The following PRKG1 variants were observed in gnomAD, a reference collection of about 807,000 sequenced individuals.
The protein encoded by PRKG1 is protein kinase cGMP-dependent 1, also known as cGMP-dependent protein kinase 1.
In PRKG1, 35 loss-of-function variants were observed where a neutral mutation model predicts 88.1. The ratio of observed to expected loss-of-function variants is 0.40; its 90% CI spans 0.30 to 0.53. The LOEUF (loss-of-function observed/expected upper bound fraction) is 0.53, where lower values mean the gene tolerates loss of function less well. PRKG1 is among the 20% of genes least tolerant of loss of function. The probability of loss-of-function intolerance (pLI) is 0.59; values close to 1 mark genes in which losing one functional copy is unlikely to be tolerated. For missense variants in PRKG1, 540 were observed against 839.8 expected (o/e 0.64, Z 4.41); for synonymous variants, 303 against 292.5 (o/e 1.04, Z -0.37).
At chr10:51,458,883 C>T (rs1016968249) in intron 2 of PRKG1, among the ~76,000 whole-genome samples, 2 of 152,116 alleles carry the variant, frequency 1.3e-5, no homozygotes, top group African/African-American at 4.8e-5. Context: ...GGAGGAATGA[C>T]TGCAACACTT....
chr10:51,632,369 C>G (rs576965864), intron 3 of PRKG1, among the ~76,000 whole-genome samples: 1 of 152,262 alleles, frequency 6.6e-6, no homozygotes, highest in Admixed American at 6.5e-5. Flanking sequence ...CTCAGAAACT[C>G]TTGGTATTTG....
intron 3 of PRKG1, among the ~76,000 whole-genome samples, chr10:51,615,778 T>C (rs1368771619): frequency 6.6e-6 from 1 of 152,070 alleles, no homozygotes; most frequent in Non-Finnish European, 1.5e-5. Context: ...CAAGCTTCTT[T>C]AAAATAAATA....
chr10:51,750,515 G>C (rs1428900056), intron 3 of PRKG1, among the ~76,000 whole-genome samples: 1 of 152,150 alleles, frequency 6.6e-6, no homozygotes, highest in East Asian at 1.9e-4. Flanking sequence ...GCCAGGCAAT[G>C]AGCTAGCTGC....
chr10:51,951,128 G>C (rs1843174045), intron 5 of PRKG1, among the ~76,000 whole-genome samples: 1 of 152,210 alleles, frequency 6.6e-6, no homozygotes, highest in African/African-American at 2.4e-5. Context: ...CTGGGTCATG[G>C]GTTTCATCCA....
At chr10:51,823,172 T>A (rs1217670604) in intron 4 of PRKG1, among the ~76,000 whole-genome samples, 1 of 152,080 alleles carries the variant, frequency 6.6e-6, no homozygotes, top group Non-Finnish European at 1.5e-5. Flanking sequence ...CTGTTAGGAA[T>A]GTATAAGGGT....
chr10:51,782,274 A>C (rs1211042461), intron 3 of PRKG1, among the ~76,000 whole-genome samples: 1 of 152,126 alleles, frequency 6.6e-6, no homozygotes, highest in Non-Finnish European at 1.5e-5. Flanking sequence ...TTGACTTACA[A>C]TATTTTCAAC....
chr10:52,054,596 G>A, intron 6 of PRKG1, 35 bp downstream of exon 6: 1 of 1,581,324 alleles, frequency 6.3e-7, no homozygotes, highest in South Asian at 1.1e-5. Flanking sequence ...TGATGCACTA[G>A]GGGAGCCTGG....
intron 9 of PRKG1, among the ~76,000 whole-genome samples, chr10:52,204,106 ATTT>A (rs1554817009): frequency 6.1e-4 from 44 of 72,202 alleles, no homozygotes; most frequent in African/African-American, 2.6e-3. Flanking sequence ...TATTATTATT[ATTT>A]TTTGTTTTTG....
intron 8 of PRKG1, among the ~76,000 whole-genome samples, chr10:52,134,953 C>G (rs188604670): frequency 6.6e-6 from 1 of 152,046 alleles, no homozygotes; most frequent in Non-Finnish European, 1.5e-5. Flanking sequence ...ACAATAATTA[C>G]CAATTTGCTC....
intron 4 of PRKG1, among the ~76,000 whole-genome samples, chr10:51,829,077 C>T (rs1483885284): frequency 1.3e-5 from 2 of 152,148 alleles, no homozygotes; most frequent in African/African-American, 4.8e-5. Flanking sequence ...GAAGCCTCAA[C>T]TGGAGAAGGA....
intron 1 of PRKG1, among the ~76,000 whole-genome samples, chr10:51,096,501 G>A (rs1198987971): frequency 6.6e-6 from 1 of 152,068 alleles, no homozygotes; most frequent in Non-Finnish European, 1.5e-5. Context: ...CAGTACTTGT[G>A]CCCTTTACCT....
intron 3 of PRKG1, among the ~76,000 whole-genome samples, chr10:51,792,321 A>T (rs971220372): frequency 5.3e-5 from 8 of 152,180 alleles, no homozygotes; most frequent in Admixed American, 4.6e-4. Flanking sequence ...AGAGAAAAAA[A>T]ATTCCTTTTT....
At chr10:51,181,343 G>A (rs1262097251) in intron 2 of PRKG1, among the ~76,000 whole-genome samples, 1 of 138,628 alleles carries the variant, frequency 7.2e-6, no homozygotes, top group Non-Finnish European at 1.5e-5. Context: ...CCGGGTTCAC[G>A]CCATTCTCCT....
At chr10:51,093,647 G>A (rs1844450813) in intron 1 of PRKG1, among the ~76,000 whole-genome samples, 1 of 148,174 alleles carries the variant, frequency 6.7e-6, no homozygotes. Flanking sequence ...CACATTTTGT[G>A]AGGGTGTACA....
chr10:51,505,177 A>T (rs1189050412), intron 3 of PRKG1, among the ~76,000 whole-genome samples: 1 of 152,156 alleles, frequency 6.6e-6, no homozygotes, highest in Non-Finnish European at 1.5e-5. Flanking sequence ...AGTTTTTAGC[A>T]TGAAGGGTTG....
chr10:51,169,626 T>C (rs1846645274), intron 2 of PRKG1, among the ~76,000 whole-genome samples: 1 of 152,082 alleles, frequency 6.6e-6, no homozygotes, highest in Admixed American at 6.6e-5. Flanking sequence ...AATTTTAGGG[T>C]TTGTTTTCTA....
At chr10:51,628,788 T>C (rs1028835341) in intron 3 of PRKG1, among the ~76,000 whole-genome samples, 2 of 150,926 alleles carry the variant, frequency 1.3e-5, no homozygotes, top group African/African-American at 4.9e-5. Flanking sequence ...TGAAACCCCG[T>C]CTCTACTAAA....
intron 5 of PRKG1, among the ~76,000 whole-genome samples, chr10:51,946,856 G>A (rs2133043103): frequency 6.6e-6 from 1 of 152,132 alleles, no homozygotes; most frequent in South Asian, 2.1e-4. Context: ...CGTGTGAGGT[G>A]TCAGTCTACC....
Position 51,074,497 on chromosome 10 carries a change from C to A in PRKG1, c.-94C>A. On this transcript the variant is annotated 5_prime_UTR_variant, in exon 1 of 18. Transcript: ENST00000373980. The stretch of plus-strand genomic sequence containing the variant: ...GTAGGAAGCTTTGGCACTCGGGAGG[C>A]AGCGGCGACTTTGGGGAAAGTTGAT... 6.7e-7 allele frequency: 1 copy of A among 1,491,902 alleles called. No individual in the cohort carries two copies. 92.4% of individuals were successfully genotyped at this position (1,491,902 alleles called of 1,614,324 possible). A position where few individuals can be genotyped will look rare whatever the true frequency, so the allele number is the denominator to read the frequency against.
Sources: allele counts gnomAD v4.1 joint callset (sites outside exome capture counted in the v4.1 genomes callset), GRCh38; gene constraint gnomAD v4.1.1; transcripts MANE v1.5; gene names NCBI Gene and HGNC (gene_info 2026-07-23, HGNC 2026-07-21).